OPCML: variants seen among roughly 807,000 people sequenced by gnomAD.
OPCML encodes the protein opioid binding protein/cell adhesion molecule like.
A neutral mutation model predicts 37.8 loss-of-function variants in OPCML; 13 were observed. The observed-to-expected ratio is 0.34, with a 90% CI of 0.22 to 0.55. OPCML has a LOEUF of 0.55. Ranked by LOEUF, OPCML falls within the 20% of genes least tolerant of loss-of-function variation. The probability of loss-of-function intolerance (pLI) is 0.91; values close to 1 mark genes in which losing one functional copy is unlikely to be tolerated. For missense variants in OPCML, 341 were observed against 435.6 expected (o/e 0.78, Z 1.93); for synonymous variants, 176 against 168.8 (o/e 1.04, Z -0.33).
chr11:132,664,544 A>C (rs1301054277), intron 2 of OPCML, among the ~76,000 whole-genome samples: 1 of 152,238 alleles, frequency 6.6e-6, no homozygotes, highest in Non-Finnish European at 1.5e-5. Flanking sequence ...AAATATATTA[A>C]TAATGCCAGT....
chr11:133,071,459 A>G (rs546010440), intron 1 of OPCML, among the ~76,000 whole-genome samples: 1 of 152,338 alleles, frequency 6.6e-6, no homozygotes, highest in African/African-American at 2.4e-5. Flanking sequence ...ATTTAGATGT[A>G]TAAATGAGTC....
intron 1 of OPCML, among the ~76,000 whole-genome samples, chr11:133,342,678 T>C (rs142002818): frequency 3.8e-4 from 58 of 152,234 alleles, no homozygotes; most frequent in Non-Finnish European, 6.5e-4. Flanking sequence ...ACAGCTCCAG[T>C]CTCCTGCCCT....
intron 4 of OPCML, among the ~76,000 whole-genome samples, chr11:132,520,394 A>G (rs1342437429): frequency 2.0e-5 from 3 of 152,166 alleles, no homozygotes; most frequent in Admixed American, 1.3e-4. Context: ...TGAAATAGAC[A>G]AATTATTCTT....
chr11:132,583,457 C>T (rs1376639179), intron 3 of OPCML, among the ~76,000 whole-genome samples: 2 of 152,002 alleles, frequency 1.3e-5, no homozygotes, highest in Non-Finnish European at 2.9e-5. Flanking sequence ...TGCCACTGTG[C>T]CAGGCTAACT....
At chr11:132,439,039 C>T (rs549596230) in intron 4 of OPCML, among the ~76,000 whole-genome samples, 27 of 152,264 alleles carry the variant, frequency 1.8e-4, no homozygotes, top group South Asian at 1.2e-3. Flanking sequence ...TTCTGTTAGT[C>T]CAATCTGTGC....
At chr11:133,032,360 T>C (rs1262552855) in intron 1 of OPCML, among the ~76,000 whole-genome samples, 1 of 152,212 alleles carries the variant, frequency 6.6e-6, no homozygotes, top group Non-Finnish European at 1.5e-5. Flanking sequence ...CCACTGTACC[T>C]GTATTGGAAC....
intron 2 of OPCML, among the ~76,000 whole-genome samples, chr11:132,921,257 C>G (rs1911255): frequency 0.53 from 80,929 of 152,104 alleles, 22,923 homozygotes; most frequent in African/African-American, 0.72. Context: ...GTTCGCCTCC[C>G]TGTTTGGCTT....
intron 2 of OPCML, among the ~76,000 whole-genome samples, chr11:132,926,594 T>G (rs1296964333): frequency 6.6e-6 from 1 of 152,138 alleles, no homozygotes; most frequent in Non-Finnish European, 1.5e-5. Flanking sequence ...TTCCCTTGCA[T>G]GGAGGCAGCT....
chr11:133,406,251 A>G (rs552791469), intron 1 of OPCML, among the ~76,000 whole-genome samples: 2 of 152,284 alleles, frequency 1.3e-5, no homozygotes, highest in African/African-American at 4.8e-5. Context: ...AGCTTTGGAT[A>G]AGGATCTAAA....
chr11:133,060,038 T>A (rs1948310822), intron 1 of OPCML, among the ~76,000 whole-genome samples: 1 of 152,210 alleles, frequency 6.6e-6, no homozygotes, highest in South Asian at 2.1e-4. Context: ...AATTCTAGAT[T>A]TGCCACAAAC....
chr11:132,744,503 G>A (rs1287667109), intron 2 of OPCML, among the ~76,000 whole-genome samples: 1 of 152,184 alleles, frequency 6.6e-6, no homozygotes, highest in Non-Finnish European at 1.5e-5. Context: ...CATGACCCAT[G>A]CTAGCCAGGC....
chr11:133,109,365 C>G (rs1264257029), intron 1 of OPCML, among the ~76,000 whole-genome samples: 1 of 152,106 alleles, frequency 6.6e-6, no homozygotes, highest in African/African-American at 2.4e-5. Context: ...GGGTGGTCGG[C>G]TTTTATTCCC....
intron 3 of OPCML, among the ~76,000 whole-genome samples, chr11:132,614,836 A>G (rs996316526): frequency 6.6e-6 from 1 of 152,344 alleles, no homozygotes; most frequent in South Asian, 2.1e-4. Flanking sequence ...CATAAGCTGG[A>G]AAGTCCAATA....
chr11:133,263,623 C>T (rs1404213116), intron 1 of OPCML, among the ~76,000 whole-genome samples: 1 of 152,106 alleles, frequency 6.6e-6, no homozygotes, highest in Non-Finnish European at 1.5e-5. Context: ...ACTGTAGTTA[C>T]TATGCACTGG....
chr11:132,820,218 G>T (rs1378276690), intron 2 of OPCML, among the ~76,000 whole-genome samples: 1 of 152,036 alleles, frequency 6.6e-6, no homozygotes, highest in African/African-American at 2.4e-5. Flanking sequence ...AGTTAATGGG[G>T]GTCCTGCTTT....
intron 1 of OPCML, among the ~76,000 whole-genome samples, chr11:133,153,451 C>T (rs540550821): frequency 2.0e-5 from 3 of 152,246 alleles, no homozygotes; most frequent in East Asian, 1.9e-4. Context: ...CAGTGGTCCA[C>T]GGGAGGACGG....
intron 1 of OPCML, among the ~76,000 whole-genome samples, chr11:132,997,315 G>T (rs933882508): frequency 4.6e-5 from 7 of 152,154 alleles, no homozygotes; most frequent in Admixed American, 3.3e-4. Flanking sequence ...TTTTTCTGTG[G>T]CTGTGCTATC....
chr11:133,085,482 C>A (rs1445880998), intron 1 of OPCML, among the ~76,000 whole-genome samples: 1 of 152,190 alleles, frequency 6.6e-6, no homozygotes, highest in Non-Finnish European at 1.5e-5. Context: ...TGGTACCCAG[C>A]ACATAGAGCA....
intron 2 of OPCML, among the ~76,000 whole-genome samples, chr11:132,743,181 A>G (rs1330465507): frequency 6.6e-6 from 1 of 152,172 alleles, no homozygotes; most frequent in Non-Finnish European, 1.5e-5. Context: ...AGCAGAGCCA[A>G]GGTCTTTTTC....
Sources: gnomAD v4.1 joint callset for allele counts (sites outside exome capture counted in the v4.1 genomes callset) on GRCh38, gnomAD v4.1.1 for gene constraint, MANE v1.5 for transcripts, NCBI Gene and HGNC (gene_info 2026-07-23, HGNC 2026-07-21) for gene names.